Variants in LAMP5 observed in about 807,000 individuals in gnomAD.
LAMP5 encodes lysosome-associated membrane glycoprotein 5.
LAMP5 carries 36 observed loss-of-function variants against 30.2 expected under a neutral mutation model. The ratio of observed to expected loss-of-function variants is 1.19; its 90% CI spans 0.91 to 1.57. The LOEUF (loss-of-function observed/expected upper bound fraction) is 1.57. Ranked by LOEUF, LAMP5 falls within the 40% of genes most tolerant of loss-of-function variation. The pLI is 0.00. For synonymous variants in LAMP5, 149 were observed against 134.6 expected (o/e 1.11, Z -0.74); for missense variants, 377 against 354.9 (o/e 1.06, Z -0.50).
In LAMP5 at chr20:9,514,636, C is replaced by A; in HGVS notation, c.-217C>A. 8 of 447,106 alleles carry A rather than the reference C, an allele frequency of 1.8e-5. No individual in the cohort carries two copies. Among genetic ancestry groups the A allele is most frequent in the East Asian group, 1.2e-4 (3 of 24,206 alleles). The allele number at this position is 447,106 out of a possible 1,614,324, so 27.7% of individuals were successfully genotyped here. A position where few individuals can be genotyped will look rare whatever the true frequency, so the allele number is the denominator to read the frequency against. On this transcript the variant is annotated 5_prime_UTR_variant, in exon 1 of 6. Coordinates refer to ENST00000246070, the MANE Select transcript of LAMP5 (RefSeq NM_012261.4). Reference sequence around the variant, plus strand: ...GCCGTGGACCGCCGTGCGGTCCTTTCCTCCGCAGTGAGCCGATTTGCTCTG... The same window carrying A: ...GCCGTGGACCGCCGTGCGGTCCTTTACTCCGCAGTGAGCCGATTTGCTCTG...
intron 1 of LAMP5, 82 bp downstream of exon 1, chr20:9,514,998 T>G: frequency 1.5e-6 from 2 of 1,304,794 alleles, no homozygotes; most frequent in Non-Finnish European, 2.2e-6. Context: ...TCAATTAGCT[T>G]GAGATAAAAA....
At chr20:9,518,254 A>C in intron 5 of LAMP5, 26 bp downstream of exon 5, 1 of 1,604,802 alleles carries the variant, frequency 6.2e-7, no homozygotes, top group East Asian at 2.2e-5. Flanking sequence ...ATGGAGGGGA[A>C]GAAGACCTAG....
chr20:9,529,730 A>T lies in LAMP5; in HGVS notation c.753A>T (p.Val251=). Residue 251 remains valine, a synonymous_variant, in exon 6 of 6, where the codon GTA becomes GTT. Coordinates refer to ENST00000246070, the MANE Select transcript of LAMP5 (RefSeq NM_012261.4). ...LGLILGLVIM[V]TLAIYHVHHK... is the part of the protein sequence containing the mutation. ...TCATCTTGGGCCTCGTCATCATGGT[A>T]ACACTCGCGATTTACCACGTCCACC... The T allele has an allele frequency of 1.9e-6, 3 of 1,614,176 alleles. 1 individual carries two copies. The highest frequency in any genetic ancestry group is 2.5e-6 in the Non-Finnish European group (3 of 1,180,034).
chr20:9,515,330 C>A, intron 1 of LAMP5, 123 bp from the exon 2 acceptor site: 2 of 806,626 alleles, frequency 2.5e-6, no homozygotes, highest in Admixed American at 2.9e-5. Flanking sequence ...GCTCGTAGAG[C>A]GCACAGCTGC....
Position 9,516,150 on chromosome 20 carries a change from G to T in LAMP5, c.369+19G>T, listed in dbSNP as rs1411524256. ...TGTAAAGGTAACTCCGAGCCCAGCGGGCAGAGGGGCCGCAGGCTCCGCGTG... is the reference window on the plus strand; with the variant it reads ...TGTAAAGGTAACTCCGAGCCCAGCGTGCAGAGGGGCCGCAGGCTCCGCGTG... On this transcript the variant is annotated intron_variant, in intron 3 of 5. Coordinates refer to ENST00000246070, the MANE Select transcript of LAMP5 (RefSeq NM_012261.4). 2.5e-6 allele frequency: 4 copies of T among 1,581,136 alleles called. No homozygotes were observed. The highest frequency in any genetic ancestry group is 3.4e-6 in the Non-Finnish European group (4 of 1,164,032).
Position 9,515,103 on chromosome 20 carries a change from G to C in LAMP5, c.64+187G>C, listed in dbSNP as rs1603166207. The C allele has an allele frequency of 7.8e-6, 5 of 639,610 alleles. No individual in the cohort carries two copies. The East Asian group carries it at 1.4e-4, about 17-fold the overall frequency. 39.6% of individuals were successfully genotyped at this position (639,610 alleles called of 1,614,324 possible). On this transcript the variant is annotated intron_variant, in intron 1 of 5. Coordinates refer to ENST00000246070, the MANE Select transcript of LAMP5 (RefSeq NM_012261.4). ...CCGGTGGCAGGGAATTCCCCTGAGA[G>C]CCATACACCTCTGTGGCATATTCCA...
At position 9,515,991 on chromosome 20, in the gene LAMP5, T is replaced by C. The variant is rs771415690; in HGVS notation, c.238-9T>C. On this transcript the variant is annotated splice_polypyrimidine_tract_variant and intron_variant, in intron 2 of 5. Transcript: ENST00000246070. ...GAGCTGAGGGGGCGCGGGGCGTCTG[T>C]GTTCCCAGCTGATCACAGAACAGGC... 4 of 1,494,006 alleles carry C rather than the reference T, an allele frequency of 2.7e-6. No individual in the cohort carries two copies. Among genetic ancestry groups the C allele is most frequent in the Non-Finnish European group, 3.6e-6 (4 of 1,123,384 alleles). 92.5% of individuals were successfully genotyped at this position (1,494,006 alleles called of 1,614,324 possible).
intron 5 of LAMP5, among the ~76,000 whole-genome samples, chr20:9,522,184 T>C (rs1427776086): frequency 6.6e-6 from 1 of 152,130 alleles, no homozygotes; most frequent in African/African-American, 2.4e-5. Flanking sequence ...TTTACAGAGT[T>C]TGTTGGGTAC....
Position 9,529,809 on chromosome 20 carries a change from C to G in LAMP5, c.832C>G (p.His278Asp). The change falls in exon 6 of 6, where the codon CAC becomes GAC. Residue 278 changes from histidine to aspartate, a missense_variant. Transcript: ENST00000246070. Reference protein sequence around the residue: ...QIPRDRSQYKHMG With the variant: ...QIPRDRSQYKDMG ...CCCTCGGGACAGATCCCAGTATAAG[C>G]ACATGGGCTAGAGGCCGTTAGGCAG... 1.2e-6 allele frequency: 2 copies of G among 1,614,098 alleles called. No individual in the cohort carries two copies. Among genetic ancestry groups the G allele is most frequent in the Non-Finnish European group, 1.7e-6 (2 of 1,179,960 alleles).
intron 4 of LAMP5, among the ~76,000 whole-genome samples, chr20:9,517,639 T>TGTGTGTGTGTGTGTGTGTGTGTG (rs1474402891): frequency 1.0e-4 from 9 of 89,624 alleles, no homozygotes; most frequent in Admixed American, 2.0e-4. Flanking sequence ...GTGTGTGTAT[T>TGTGTGTGTGTGTGTGTGTGTGTG]TGTAGAGACA....
intron 5 of LAMP5, among the ~76,000 whole-genome samples, chr20:9,524,692 C>A (rs1226880315): frequency 6.6e-6 from 1 of 150,596 alleles, no homozygotes; most frequent in Non-Finnish European, 1.5e-5. Flanking sequence ...CTATACAGTG[C>A]ACAATTTATA....
chr20:9,520,091 A>G (rs1332740502), intron 5 of LAMP5, among the ~76,000 whole-genome samples: 2 of 152,214 alleles, frequency 1.3e-5, no homozygotes, highest in East Asian at 3.8e-4. Context: ...CTAGATAGGG[A>G]AGGCTGCTGG....
rs2045142151 is a variant in LAMP5, at chr20:9,530,311, C to A, written c.*491C>A. On this transcript the variant is annotated 3_prime_UTR_variant, in exon 6 of 6. Transcript: ENST00000246070. ...TGCAGCAAGACCCCTGAAAGTGATT[C>A]ATGCTTCTGGCTGGCATTCTGCATG... The A allele has an allele frequency of 6.5e-6, 1 of 152,974 alleles. No homozygotes were observed. Among genetic ancestry groups the A allele is most frequent in the African/African-American group, 2.4e-5 (1 of 41,444 alleles). The allele number at this position is 152,974 out of a possible 1,614,324, so 9.5% of individuals were successfully genotyped here.
intron 5 of LAMP5, among the ~76,000 whole-genome samples, chr20:9,528,298 GT>G (rs1568946074): frequency 2.5e-4 from 25 of 98,894 alleles, no homozygotes; most frequent in East Asian, 8.2e-4. Context: ...AAGGATATGG[GT>G]GTGTGTGTGT....
At chr20:9,518,277 A>G in intron 5 of LAMP5, 49 bp downstream of exon 5, 1 of 1,549,638 alleles carries the variant, frequency 6.5e-7, no homozygotes, top group Non-Finnish European at 8.9e-7. Context: ...TATTTCAGGA[A>G]GGATGAGAGA....
intron 5 of LAMP5, 57 bp from the exon 6 acceptor site, chr20:9,529,580 TAGAAC>T: frequency 2.0e-6 from 3 of 1,506,562 alleles, no homozygotes; most frequent in Admixed American, 2.0e-5. Context: ...TTTTGTTTTG[TAGAAC>T]TTATGATTCA....
chr20:9,521,253 C>A (rs770553205), intron 5 of LAMP5, among the ~76,000 whole-genome samples: 3 of 152,112 alleles, frequency 2.0e-5, no homozygotes, highest in Admixed American at 6.5e-5. Flanking sequence ...TGCTCAGCAG[C>A]ACAGCAAGGA....
At chr20:9,515,956 G>A (rs971159746) in intron 2 of LAMP5, 44 bp from the exon 3 acceptor site, 3 of 1,460,020 alleles carry the variant, frequency 2.1e-6, no homozygotes, top group East Asian at 4.9e-5. Context: ...CCCCCGCCCC[G>A]GGGCCGGGCG....
Position 9,514,781 on chromosome 20 carries a change from G to A in LAMP5, c.-72G>A, listed in dbSNP as rs2045022094. The A allele has an allele frequency of 6.9e-7, 1 of 1,451,130 alleles. No individual in the cohort carries two copies. Among genetic ancestry groups the A allele is most frequent in the African/African-American group, 1.4e-5 (1 of 71,374 alleles). 89.9% of individuals were successfully genotyped at this position (1,451,130 alleles called of 1,614,324 possible). ...TCGCTCACCCCGGCCCACTCCAGCG[G>A]CGACTTTGAGGGATTCCCTCTCTGG... On this transcript the variant is annotated 5_prime_UTR_variant, in exon 1 of 6. Coordinates refer to ENST00000246070, the MANE Select transcript of LAMP5 (RefSeq NM_012261.4).
Sources: allele counts gnomAD v4.1 joint callset (sites outside exome capture counted in the v4.1 genomes callset), GRCh38; gene constraint gnomAD v4.1.1; transcripts MANE v1.5; gene names NCBI Gene and HGNC (gene_info 2026-07-23, HGNC 2026-07-21).